MN1: variants seen among roughly 807,000 people sequenced by gnomAD.
MN1 encodes MN1 proto-oncogene, transcriptional regulator.
Under a neutral mutation model 86.9 loss-of-function variants are expected in MN1, and 19 were observed. The ratio of observed to expected loss-of-function variants is 0.22; its 90% CI spans 0.15 to 0.32. The LOEUF is 0.32. Among genes scored for constraint, MN1 ranks in the 10% least tolerant of loss-of-function variants. MN1 has a pLI of 1.00. For synonymous variants in MN1, 928 were observed against 849.6 expected (o/e 1.09, Z -1.60); for missense variants, 1,841 against 1,862.0 (o/e 0.99, Z 0.21).
chr22:27,754,409 G>C (rs1226827288), intron 1 of MN1, among the ~76,000 whole-genome samples: 1 of 152,192 alleles, frequency 6.6e-6, no homozygotes, highest in African/African-American at 2.4e-5. Context: ...CCCCACCCCA[G>C]CAGGGCCACC....
intron 1 of MN1, among the ~76,000 whole-genome samples, chr22:27,796,123 C>T (rs1411227923): frequency 6.6e-6 from 1 of 151,880 alleles, no homozygotes; most frequent in Non-Finnish European, 1.5e-5. Context: ...CCTCCTGCAA[C>T]CCCCACAGGT....
chr22:27,752,708 G>A (rs1471151401), intron 1 of MN1, among the ~76,000 whole-genome samples: 1 of 152,202 alleles, frequency 6.6e-6, no homozygotes, highest in African/African-American at 2.4e-5. Context: ...TGACTTTAGA[G>A]TATGTCCAAG....
chr22:27,788,321 G>A (rs568210903), intron 1 of MN1, among the ~76,000 whole-genome samples: 64 of 152,188 alleles, frequency 4.2e-4, no homozygotes, highest in African/African-American at 1.5e-3. Context: ...TCCACATCAG[G>A]ATCGGGGCCC....
Position 27,798,566 on chromosome 22 carries a change from C to T in MN1, c.1978G>A (p.Asp660Asn). ...SGLPADCGPH[D>N]PSLAPPPPPG... ...GGAGGAGGGGGCGCCAGGCTGGGGT[C>T]GTGCGGGCCACAGTCAGCGGGCAGA... The change falls in exon 1 of 2, where the codon GAC becomes AAC. Residue 660 changes from aspartate (D) to asparagine (N), a missense_variant. Physicochemically the swap from Asp to Asn is conservative, Grantham distance 23. Coordinates refer to ENST00000302326, the MANE Select transcript of MN1 (RefSeq NM_002430.3). The T allele has an allele frequency of 6.5e-7, 1 of 1,529,936 alleles. No homozygotes were observed. The highest frequency in any genetic ancestry group is 8.7e-7 in the Non-Finnish European group (1 of 1,148,526). 94.8% of individuals were successfully genotyped at this position (1,529,936 alleles called of 1,614,324 possible). A position where few individuals can be genotyped will look rare whatever the true frequency, so the allele number is the denominator to read the frequency against.
At chr22:27,796,737 T>G in intron 1 of MN1, 26 bp downstream of exon 1, 2 of 1,555,630 alleles carry the variant, frequency 1.3e-6, no homozygotes, top group Non-Finnish European at 1.7e-6. Context: ...ACCCGGGAAG[T>G]GAGAGGAAAA....
At position 27,798,750 on chromosome 22, in the gene MN1, C is replaced by T. The variant is rs771222381; in HGVS notation, c.1794G>A (p.Leu598=). 5.9e-6 allele frequency: 9 copies of T among 1,534,748 alleles called. No individual in the cohort carries two copies. Among genetic ancestry groups the T allele is most frequent in the Admixed American group, 2.0e-5 (1 of 51,038 alleles). The change falls in exon 1 of 2, where the codon TTG becomes TTA. Residue 598 remains leucine (L), a synonymous_variant. Transcript: ENST00000302326. ...GLVHGGPVGG[L]AQPNFEREGG... ...CTTCGCGCTCAAAGTTCGGCTGGGC[C>T]AAGCCGCCCACCGGGCCGCCATGCA...
chr22:27,800,001 G>A lies in MN1; in HGVS notation c.543C>T (p.Ala181=). The A allele has an allele frequency of 6.2e-7, 1 of 1,604,244 alleles. No homozygotes were observed. Among genetic ancestry groups the A allele is most frequent in the South Asian group, 1.1e-5 (1 of 90,740 alleles). The change falls in exon 1 of 2, where the codon GCC becomes GCT. Residue 181 remains alanine, a synonymous_variant. Transcript: ENST00000302326. ...GNLPDFHSSG[A]SSHAVPAPCL... ...ATGGGGCCGGCACGGCGTGGCTGGA[G>A]GCACCTGAACTGTGGAAGTCCGGGA...
rs768281411 is a variant in MN1 at position 27,748,546 on chromosome 22, G to A, written c.*2369C>T. On this transcript the variant is annotated 3_prime_UTR_variant, in exon 2 of 2. Coordinates refer to ENST00000302326, the MANE Select transcript of MN1 (RefSeq NM_002430.3). ...ATTTTACATGTGCAATAACATTTTCGTTTTCTTTCCCAAAGAGTTTGCTAT... is the reference window on the plus strand; with the variant it reads ...ATTTTACATGTGCAATAACATTTTCATTTTCTTTCCCAAAGAGTTTGCTAT... 3.4e-5 allele frequency: 7 copies of A among 204,118 alleles called. No individual in the cohort carries two copies. Among genetic ancestry groups the A allele is most frequent in the Non-Finnish European group, 6.0e-5 (6 of 99,312 alleles). 12.6% of individuals were successfully genotyped at this position (204,118 alleles called of 1,614,324 possible).
Position 27,799,957 on chromosome 22 carries a change from C to A in MN1, c.587G>T (p.Ser196Ile). ...VPAPCLPLDQ[S>I]PNRAASFHGL... ...GTGGAAGGAGGCGGCTCGGTTAGGG[C>A]TCTGGTCCAGCGGCAGGCATGGGGC... Residue 196 changes from serine (S) to isoleucine (I), a missense_variant, in exon 1 of 2, where the codon AGC (serine) becomes ATC (isoleucine). Transcript: ENST00000302326. 4.4e-6 allele frequency: 7 copies of A among 1,603,346 alleles called. No homozygotes were observed. Among genetic ancestry groups the A allele is most frequent in the African/African-American group, 1.3e-5 (1 of 74,948 alleles).
intron 1 of MN1, among the ~76,000 whole-genome samples, chr22:27,780,269 C>G (rs1035792173): frequency 8.5e-5 from 13 of 152,104 alleles, no homozygotes; most frequent in Admixed American, 6.5e-4. Flanking sequence ...CTACAAGCCC[C>G]GAGCAGTCGG....
chr22:27,777,533 TAAAAAAAAAAAAAAAGAGAGA>T (rs1354502899), intron 1 of MN1, among the ~76,000 whole-genome samples: 4 of 132,580 alleles, frequency 3.0e-5, no homozygotes, highest in Non-Finnish European at 6.5e-5. Context: ...ACCTTGTTTC[TAAAAAAAAAAAAAAAGAGAGA>T]GAGAAAAAAA....
chr22:27,795,332 T>G (rs1403295987), intron 1 of MN1, among the ~76,000 whole-genome samples: 1 of 152,156 alleles, frequency 6.6e-6, no homozygotes, highest in African/African-American at 2.4e-5. Flanking sequence ...CCCCAAGTTC[T>G]GAACCACCCA....
chr22:27,779,899 G>A (rs977469928), intron 1 of MN1, among the ~76,000 whole-genome samples: 1 of 152,106 alleles, frequency 6.6e-6, no homozygotes, highest in African/African-American at 2.4e-5. Flanking sequence ...CCCTGGACCA[G>A]GACATAAATT....
chr22:27,785,754 C>CG (rs67809292), intron 1 of MN1, among the ~76,000 whole-genome samples: 3 of 92,424 alleles, frequency 3.2e-5, no homozygotes, highest in Non-Finnish European at 5.6e-5. Flanking sequence ...GTGCCCCCCC[C>CG]CCATGGCCCC....
At chr22:27,792,090 A>G (rs1480745993) in intron 1 of MN1, among the ~76,000 whole-genome samples, 1 of 152,260 alleles carries the variant, frequency 6.6e-6, no homozygotes, top group Non-Finnish European at 1.5e-5. Flanking sequence ...GGAAATTTAA[A>G]TACCTCTGTC....
intron 1 of MN1, among the ~76,000 whole-genome samples, chr22:27,779,535 G>A (rs1056552876): frequency 5.9e-5 from 9 of 152,130 alleles, no homozygotes; most frequent in East Asian, 1.9e-4. Flanking sequence ...CCTCATCTCC[G>A]TGCCCATAAG....
chr22:27,753,155 T>G (rs1000938259), intron 1 of MN1, among the ~76,000 whole-genome samples: 1 of 152,168 alleles, frequency 6.6e-6, no homozygotes, highest in Non-Finnish European at 1.5e-5. Context: ...GCCCCTTCCC[T>G]CATTCATGCA....
At chr22:27,788,736 C>T (rs1339044171) in intron 1 of MN1, among the ~76,000 whole-genome samples, 1 of 151,732 alleles carries the variant, frequency 6.6e-6, no homozygotes, top group Admixed American at 6.6e-5. Context: ...TGTGCGCATG[C>T]GTGGAGGGGT....
intron 1 of MN1, among the ~76,000 whole-genome samples, chr22:27,771,059 G>A (rs772187679): frequency 2.6e-5 from 4 of 151,980 alleles, no homozygotes; most frequent in Non-Finnish European, 4.4e-5. Context: ...TGCCTGTGCT[G>A]AGCACTGCAT....
Sources: allele counts gnomAD v4.1 joint callset (sites outside exome capture counted in the v4.1 genomes callset), GRCh38; gene constraint gnomAD v4.1.1; transcripts MANE v1.5; gene names NCBI Gene and HGNC (gene_info 2026-07-23, HGNC 2026-07-21).